The following KRCC1 variants were observed in gnomAD, a reference collection of about 807,000 sequenced individuals.
KRCC1 encodes the protein lysine rich coiled-coil 1, also known as lysine-rich coiled-coil protein 1.
A neutral mutation model predicts 7.4 loss-of-function variants in KRCC1; 3 were observed. That is an observed-to-expected ratio of 0.40 (90% CI 0.18 to 1.04). The LOEUF (loss-of-function observed/expected upper bound fraction) is 1.04, where lower values mean the gene tolerates loss of function less well. KRCC1 is among the 50% of genes least tolerant of loss of function. KRCC1 has a pLI of 0.33. For synonymous variants in KRCC1, 102 were observed against 101.6 expected (o/e 1.00, Z -0.02); for missense variants, 277 against 300.9 (o/e 0.92, Z 0.59).
chr2:88,036,210 C>T (rs1673087152), intron 2 of KRCC1, among the ~76,000 whole-genome samples: 1 of 152,122 alleles, frequency 6.6e-6, no homozygotes, highest in South Asian at 2.1e-4. Context: ...TAAAGAGATC[C>T]AGTAGCTCAT....
Position 88,048,846 on chromosome 2 carries a change from A to C in KRCC1, c.-291+6780T>G, listed in dbSNP as rs143355997. On this transcript the variant is annotated intron_variant, in intron 1 of 3. Coordinates refer to ENST00000347055, the MANE Select transcript of KRCC1 (RefSeq NM_016618.3). ...GCACTAAATTTTGGGAGACTAGGCA[A>C]CTGATTCTGTTATCTTTGCCAAAAC... is the stretch of plus-strand genomic sequence containing the variant. Among the ~76,000 whole-genome samples the C allele has an allele frequency of 2.3e-3, 347 of 152,310 alleles. 2 individuals carry two copies. Among genetic ancestry groups the C allele is most frequent in the Non-Finnish European group, 5.4e-4 (37 of 68,024 alleles).
intron 3 of KRCC1, among the ~76,000 whole-genome samples, chr2:88,030,390 T>C (rs1201608915): frequency 1.3e-5 from 2 of 151,492 alleles, no homozygotes; most frequent in Non-Finnish European, 2.9e-5. Context: ...ATTTGGCAAG[T>C]TAGAAAATAT....
chr2:88,027,593 T>C lies in KRCC1; in HGVS notation c.*191A>G, dbSNP rs1487801895. On this transcript the variant is annotated 3_prime_UTR_variant, in exon 4 of 4. Coordinates refer to ENST00000347055, the MANE Select transcript of KRCC1 (RefSeq NM_016618.3). ...ACTATATGTTCAAAAAATGTAATAA[T>C]GCTTTTAGAAAATGAGGAAAAGCAA... The C allele has an allele frequency of 1.0e-5, 5 of 487,364 alleles. No individual in the cohort carries two copies. The East Asian group carries it at 1.6e-4, about 15-fold the overall frequency. The allele number at this position is 487,364 out of a possible 1,614,324, so 30.2% of individuals were successfully genotyped here. A position where few individuals can be genotyped will look rare whatever the true frequency, so the allele number is the denominator to read the frequency against.
intron 1 of KRCC1, among the ~76,000 whole-genome samples, chr2:88,038,787 C>T (rs1673145316): frequency 6.6e-6 from 1 of 152,136 alleles, no homozygotes; most frequent in Non-Finnish European, 1.5e-5. Context: ...CCTTATAAAA[C>T]CATCAGATTT....
chr2:88,053,507 T>G (rs984409289), intron 1 of KRCC1, among the ~76,000 whole-genome samples: 3 of 152,210 alleles, frequency 2.0e-5, no homozygotes, highest in Non-Finnish European at 4.4e-5. Context: ...CTGCTCAGGC[T>G]TATTTATTAG....
chr2:88,054,194 C>T (rs917623758), intron 1 of KRCC1, among the ~76,000 whole-genome samples: 4 of 152,144 alleles, frequency 2.6e-5, no homozygotes, highest in African/African-American at 9.7e-5. Flanking sequence ...AAAAGCTCTC[C>T]CCATCCTTGG....
Position 88,031,366 on chromosome 2 carries a change from T to TA in KRCC1, c.-23+2767dup, listed in dbSNP as rs1409501070. Among the ~76,000 whole-genome samples the TA allele has an allele frequency of 2.6e-5, 4 of 152,250 alleles. No homozygotes were observed. The East Asian group carries it at 7.7e-4, about 29-fold the overall frequency. ...GGCCAGGTGTGGTGGCCCATGCCTG[T>TA]AATCCCAGAACTTTGGGAGGCCAGG... On this transcript the variant is annotated intron_variant, in intron 3 of 3. Transcript: ENST00000347055.
At chr2:88,045,034 C>CT (rs879808566) in intron 1 of KRCC1, among the ~76,000 whole-genome samples, 72 of 144,430 alleles carry the variant, frequency 5.0e-4, no homozygotes, top group Admixed American at 6.2e-4. Context: ...ATTTTTTGTA[C>CT]TTTTTTTTTT....
At chr2:88,048,258 T>C (rs561251542) in intron 1 of KRCC1, among the ~76,000 whole-genome samples, 211 of 152,196 alleles carry the variant, frequency 1.4e-3, no homozygotes, top group Non-Finnish European at 2.2e-3. Flanking sequence ...AATTTTGTAT[T>C]TTTAGTAGAG....
chr2:88,053,694 T>A (rs1221069807), intron 1 of KRCC1, among the ~76,000 whole-genome samples: 1 of 152,142 alleles, frequency 6.6e-6, no homozygotes, highest in East Asian at 1.9e-4. Context: ...TTTTAAGAAA[T>A]CTGCAGTATT....
chr2:88,037,636 C>T lies in KRCC1; in HGVS notation c.-290-585G>A, dbSNP rs559438596. On this transcript the variant is annotated intron_variant, in intron 1 of 3. Transcript: ENST00000347055. ...GTTGCCCAGGCTGGTCTCGAACTCC[C>T]GCGCTCAGGTGATCCACCCGCCTTG... 1.5e-4 allele frequency among the ~76,000 whole-genome samples: 23 copies of T among 152,210 alleles called. No homozygotes were observed. In the South Asian group the frequency reaches 3.7e-3, roughly 25 times the overall value.
chr2:88,043,051 G>A (rs1258258110), intron 1 of KRCC1, among the ~76,000 whole-genome samples: 1 of 152,136 alleles, frequency 6.6e-6, no homozygotes, highest in East Asian at 1.9e-4. Flanking sequence ...TTACGGGTCT[G>A]ATCTGTTTGT....
intron 1 of KRCC1, among the ~76,000 whole-genome samples, chr2:88,055,098 CT>C (rs1475766682): frequency 2.6e-5 from 4 of 151,682 alleles, no homozygotes; most frequent in South Asian, 2.1e-4. Flanking sequence ...TGATCCCCCC[CT>C]AAACCTCATC....
Position 88,028,446 on chromosome 2 carries a change from A to G in KRCC1, c.118T>C (p.Tyr40His), listed in dbSNP as rs373346174. The change falls in exon 4 of 4, where the codon TAT becomes CAT. Residue 40 changes from tyrosine (Y) to histidine (H), a missense_variant. Coordinates refer to ENST00000347055, the MANE Select transcript of KRCC1 (RefSeq NM_016618.3). ...CCTTTGTACCCACAGGTTTCCAAAT[A>G]GTCCCCTTTCATCTTTCTGAAACAA... is the stretch of plus-strand genomic sequence containing the variant. ...KTCFRKMKGD[Y>H]LETCGYKGEV... 2.0e-5 allele frequency: 33 copies of G among 1,614,024 alleles called. No individual in the cohort carries two copies. The African/African-American group carries it at 4.3e-4, about 21-fold the overall frequency.
intron 1 of KRCC1, among the ~76,000 whole-genome samples, chr2:88,054,931 T>C (rs1250743665): frequency 6.6e-6 from 1 of 152,214 alleles, no homozygotes; most frequent in African/African-American, 2.4e-5. Context: ...ATCGCGCCAC[T>C]GCACTCCAGC....
chr2:88,049,555 G>A (rs902080868), intron 1 of KRCC1, among the ~76,000 whole-genome samples: 6 of 152,154 alleles, frequency 3.9e-5, no homozygotes, highest in African/African-American at 1.4e-4. Flanking sequence ...GGCTGAGGTG[G>A]GAGAATCACC....
chr2:88,042,851 A>G (rs1160104439), intron 1 of KRCC1, among the ~76,000 whole-genome samples: 1 of 152,264 alleles, frequency 6.6e-6, no homozygotes, highest in East Asian at 1.9e-4. Flanking sequence ...TAAGGGCAAG[A>G]TAATACCTAT....
Position 88,034,233 on chromosome 2 carries a change from T to C in KRCC1, c.-122A>G, listed in dbSNP as rs1673049597. 6.6e-6 allele frequency: 1 copy of C among 152,610 alleles called. No homozygotes were observed. The allele number at this position is 152,610 out of a possible 1,614,324, so 9.5% of individuals were successfully genotyped here. ...TGAGACTACACAATAACTGGTGAGC[T>C]AAAAACCACAATTCAGAGATCAAAA... On this transcript the variant is annotated 5_prime_UTR_variant, in exon 3 of 4. Coordinates refer to ENST00000347055, the MANE Select transcript of KRCC1 (RefSeq NM_016618.3).
At chr2:88,054,320 T>C (rs1192405854) in intron 1 of KRCC1, among the ~76,000 whole-genome samples, 2 of 152,228 alleles carry the variant, frequency 1.3e-5, no homozygotes, top group Non-Finnish European at 2.9e-5. Context: ...AAATTTTTAC[T>C]GTTTGTTCTA....
Sources: allele counts gnomAD v4.1 joint callset (sites outside exome capture counted in the v4.1 genomes callset), GRCh38; gene constraint gnomAD v4.1.1; transcripts MANE v1.5; gene names NCBI Gene and HGNC (gene_info 2026-07-23, HGNC 2026-07-21).